Variants in EDEM1 observed in about 807,000 individuals in gnomAD.
The protein encoded by EDEM1 is ER degradation-enhancing alpha-mannosidase-like protein 1.
A neutral mutation model predicts 74.4 loss-of-function variants in EDEM1; 67 were observed. The ratio of observed to expected loss-of-function variants is 0.90; its 90% CI spans 0.74 to 1.10. EDEM1 has a LOEUF of 1.10. Among genes scored for constraint, EDEM1 ranks in the 50% least tolerant of loss-of-function variants. EDEM1 has a pLI of 0.00. For synonymous variants in EDEM1, 382 were observed against 335.9 expected (o/e 1.14, Z -1.50); for missense variants, 926 against 851.6 (o/e 1.09, Z -1.09).
chr3:5,195,586 A>G (rs924796242), intron 2 of EDEM1, among the ~76,000 whole-genome samples: 12 of 152,228 alleles, frequency 7.9e-5, no homozygotes, highest in Non-Finnish European at 1.3e-4. Context: ...AAGCTCATTA[A>G]TATTGATAAT....
intron 3 of EDEM1, among the ~76,000 whole-genome samples, chr3:5,200,094 C>T (rs1345146943): frequency 6.6e-6 from 1 of 152,040 alleles, no homozygotes; most frequent in Non-Finnish European, 1.5e-5. Context: ...CACCACCACA[C>T]CTAAGTTTTG....
Position 5,199,636 on chromosome 3 carries a change from G to C in EDEM1, c.627G>C (p.Val209=). ...SSEFQKAVKL[V]INTVSFDKDS... ...AGTTCCAGAAAGCCGTCAAGTTAGT[G>C]ATCAACACAGTTTCATTTGACAAAG... The change falls in exon 3 of 12, where the codon GTG becomes GTC. Residue 209 remains valine, a synonymous_variant. Coordinates refer to ENST00000256497, the MANE Select transcript of EDEM1 (RefSeq NM_014674.3). 1 of 1,613,862 alleles carries C rather than the reference G, an allele frequency of 6.2e-7. No homozygotes were observed.
rs115803054 is a variant in EDEM1, at chr3:5,192,395, A to T, written c.510-2814A>T. On this transcript the variant is annotated intron_variant, in intron 1 of 11. Transcript: ENST00000256497. ...TGGGAATTTAAATTTAAAAACACAT[A>T]TGTTTGATTTTGTTAGCTACATAAT... is the stretch of plus-strand genomic sequence containing the variant. Among the ~76,000 whole-genome samples the T allele has an allele frequency of 9.0e-3, 1,365 of 152,344 alleles. 20 individuals carry two copies. The highest frequency in any genetic ancestry group is 0.031 in the African/African-American group (1,282 of 41,582).
At chr3:5,202,743 C>G (rs1347338564) in intron 4 of EDEM1, among the ~76,000 whole-genome samples, 1 of 152,250 alleles carries the variant, frequency 6.6e-6, no homozygotes, top group East Asian at 1.9e-4. Context: ...TCCCTGAAGA[C>G]TTGCTCTTAT....
chr3:5,194,053 C>G (rs1238929399), intron 1 of EDEM1, among the ~76,000 whole-genome samples: 2 of 152,172 alleles, frequency 1.3e-5, no homozygotes, highest in Non-Finnish European at 2.9e-5. Flanking sequence ...CTTTCAGAGA[C>G]CACAGCAAGC....
intron 1 of EDEM1, 171 bp downstream of exon 1, chr3:5,188,485 T>G: frequency 1.4e-6 from 1 of 713,592 alleles, no homozygotes; most frequent in Non-Finnish European, 2.0e-6. Flanking sequence ...ACCCCCGAGC[T>G]TGAGGGTGCG....
chr3:5,214,754 C>G (rs1048403031), intron 11 of EDEM1, among the ~76,000 whole-genome samples: 1 of 152,296 alleles, frequency 6.6e-6, no homozygotes, highest in South Asian at 2.1e-4. Flanking sequence ...AGTGTCTTCT[C>G]TTTTAGGAAG....
chr3:5,215,656 G>C (rs1452874153), intron 11 of EDEM1, among the ~76,000 whole-genome samples, 173 bp from the exon 12 acceptor site: 2 of 152,190 alleles, frequency 1.3e-5, no homozygotes, highest in Non-Finnish European at 2.9e-5. Context: ...CACCTAGTGG[G>C]AGAGGCAAGG....
intron 3 of EDEM1, among the ~76,000 whole-genome samples, chr3:5,200,146 G>A (rs1470624464): frequency 6.6e-6 from 1 of 152,106 alleles, no homozygotes; most frequent in African/African-American, 2.4e-5. Flanking sequence ...TGGCCAGGCT[G>A]GTCTCGAACT....
At position 5,215,047 on chromosome 3, in the gene EDEM1, A is replaced by G. The variant is rs534530620; in HGVS notation, c.1885-782A>G. On this transcript the variant is annotated intron_variant, in intron 11 of 11. Transcript: ENST00000256497. ...GAAAGGGTGTTCAGGCAGAAGCAGT[A>G]GCACCTGCAAAAGCACAGAGATGTG... Among the ~76,000 whole-genome samples the G allele has an allele frequency of 1.3e-4, 20 of 152,318 alleles. No individual in the cohort carries two copies. The South Asian group carries it at 4.1e-3, about 32-fold the overall frequency.
At chr3:5,202,825 AG>A in intron 4 of EDEM1, 140 bp from the exon 5 acceptor site, 1 of 637,036 alleles carries the variant, frequency 1.6e-6, no homozygotes. Flanking sequence ...TATTCACCTC[AG>A]ATGTATCTTG....
chr3:5,208,241 A>C lies in EDEM1; in HGVS notation c.1487A>C (p.Glu496Ala), dbSNP rs2055123016. 6.2e-7 allele frequency: 1 copy of C among 1,612,168 alleles called. No homozygotes were observed. The highest frequency in any genetic ancestry group is 2.2e-5 in the East Asian group (1 of 44,844). ...TACCCACTGAGACCAGAGTTAGTGG[A>C]ATCCACATATCTCCTCTACCAGGTA... ...LFYPLRPELV[E>A]STYLLYQATK... Residue 496 changes from glutamate to alanine, a missense_variant, in exon 8 of 12, where the codon GAA (glutamate) becomes GCA (alanine). Physicochemically the swap from Glu to Ala is moderately radical, Grantham distance 107 (BLOSUM62 -1). Coordinates refer to ENST00000256497, the MANE Select transcript of EDEM1 (RefSeq NM_014674.3).
In EDEM1 at chr3:5,195,232, T is replaced by G; in HGVS notation, c.533T>G (p.Val178Gly). ...AGTTCAAATCTGAACATCAATGATGTACTAGGGAACTACTCATTGACTCTT... is the reference window on the plus strand; with the variant it reads ...AGTTCAAATCTGAACATCAATGATGGACTAGGGAACTACTCATTGACTCTT... ...GDPSNLNINDVLGNYSLTLVD... is the reference protein window; with the variant it reads ...GDPSNLNINDGLGNYSLTLVD... Residue 178 changes from valine to glycine, a missense_variant, in exon 2 of 12, where the codon GTA (valine) becomes GGA (glycine). Physicochemically the swap from Val to Gly is moderately radical, Grantham distance 109 (BLOSUM62 -3). Coordinates refer to ENST00000256497, the MANE Select transcript of EDEM1 (RefSeq NM_014674.3). The G allele has an allele frequency of 6.4e-7, 1 of 1,560,098 alleles. No individual in the cohort carries two copies. The highest frequency in any genetic ancestry group is 8.7e-7 in the Non-Finnish European group (1 of 1,152,294).
chr3:5,206,353 G>A (rs2055096810), intron 6 of EDEM1, among the ~76,000 whole-genome samples: 1 of 151,872 alleles, frequency 6.6e-6, no homozygotes, highest in African/African-American at 2.4e-5. Flanking sequence ...GATCACAGCC[G>A]TGCACCACCT....
chr3:5,188,540 A>G (rs759538277), intron 1 of EDEM1: 16 of 424,720 alleles, frequency 3.8e-5, no homozygotes, highest in Non-Finnish European at 5.2e-5. Flanking sequence ...CGGAATCTCC[A>G]AACTTCAGAA....
At position 5,202,906 on chromosome 3, in the gene EDEM1, C is replaced by G. The variant is rs13074618; in HGVS notation, c.859-60C>G. ...GCTGAGTGTAGTCTCTGAGACCCGG[C>G]TTTTCAGCTCTGTGGATTCCTTGAG... On this transcript the variant is annotated intron_variant, in intron 4 of 11. Coordinates refer to ENST00000256497, the MANE Select transcript of EDEM1 (RefSeq NM_014674.3). 13,009 of 1,533,240 alleles carry G rather than the reference C, an allele frequency of 8.5e-3. 78 individuals carry two copies. Among genetic ancestry groups the G allele is most frequent in the Non-Finnish European group, 9.9e-3 (11,078 of 1,120,632 alleles). The allele number at this position is 1,533,240 out of a possible 1,614,324, so 95.0% of individuals were successfully genotyped here. A position where few individuals can be genotyped will look rare whatever the true frequency, so the allele number is the denominator to read the frequency against.
chr3:5,202,893 C>T, intron 4 of EDEM1, 73 bp from the exon 5 acceptor site: 10 of 1,437,032 alleles, frequency 7.0e-6, no homozygotes, highest in Non-Finnish European at 9.6e-6. Context: ...TGAGTGTAGT[C>T]TCTGAGACCC....
At position 5,201,922 on chromosome 3, in the gene EDEM1, C is replaced by T. The variant is rs767242909; in HGVS notation, c.856C>T (p.Arg286Trp). ...ENTKTGIPYPRVNLKTGVPPD... is the reference protein window; with the variant it reads ...ENTKTGIPYPWVNLKTGVPPD... ...CACCAAGACAGGGATTCCATATCCT[C>T]GGGTGGGTAGACTGGTTTGACCCTT... Residue 286 changes from arginine (R) to tryptophan (W), a missense_variant and splice_region_variant, in exon 4 of 12, where the codon CGG (arginine) becomes TGG (tryptophan). Coordinates refer to ENST00000256497, the MANE Select transcript of EDEM1 (RefSeq NM_014674.3). 1.1e-5 allele frequency: 18 copies of T among 1,612,968 alleles called. No homozygotes were observed. Among genetic ancestry groups the T allele is most frequent in the African/African-American group, 2.7e-5 (2 of 74,872 alleles).
intron 2 of EDEM1, 43 bp downstream of exon 2, chr3:5,195,324 T>C: frequency 1.5e-6 from 2 of 1,293,028 alleles, no homozygotes; most frequent in African/African-American, 1.5e-5. Flanking sequence ...TAAGATGTTT[T>C]AGAGTTGATT....
Sources: allele counts gnomAD v4.1 joint callset (sites outside exome capture counted in the v4.1 genomes callset), GRCh38; gene constraint gnomAD v4.1.1; transcripts MANE v1.5; gene names NCBI Gene and HGNC (gene_info 2026-07-23, HGNC 2026-07-21).